FLVCR1: variants seen among roughly 807,000 people sequenced by gnomAD.
FLVCR1 encodes the protein FLVCR choline and heme transporter 1.
Under a neutral mutation model 53.6 loss-of-function variants are expected in FLVCR1, and 34 were observed. The ratio of observed to expected loss-of-function variants is 0.63; its 90% CI spans 0.48 to 0.84. The LOEUF (loss-of-function observed/expected upper bound fraction) is 0.84, where lower values mean the gene tolerates loss of function less well. Among genes scored for constraint, FLVCR1 ranks in the 40% least tolerant of loss-of-function variants. FLVCR1 has a pLI of 0.00. For missense variants in FLVCR1, 677 were observed against 696.7 expected, an observed-to-expected ratio of 0.97 and a Z score of 0.32; for synonymous variants, 300 against 286.3, an observed-to-expected ratio of 1.05 and a Z score of -0.48.
At position 212,878,980 on chromosome 1, in the gene FLVCR1, T is replaced by G. The variant is rs1262190524; in HGVS notation, c.1025-4391T>G. On this transcript the variant is annotated intron_variant, in intron 3 of 9. Transcript: ENST00000366971. ...CTGCAGTCTGGGTGACAAAGTGAGA[T>G]CCTGTCTCAAAAAAAAAAAGACCTA... Among the ~76,000 whole-genome samples, 4 of 129,946 alleles carry G rather than the reference T, an allele frequency of 3.1e-5. No individual in the cohort carries two copies. The South Asian group carries it at 1.1e-3, about 35-fold the overall frequency. 85.2% of individuals were successfully genotyped at this position (129,946 alleles called of 152,430 possible). A position where few individuals can be genotyped will look rare whatever the true frequency, so the allele number is the denominator to read the frequency against.
intron 2 of FLVCR1, among the ~76,000 whole-genome samples, chr1:212,867,990 A>T (rs1664489693): frequency 6.6e-6 from 1 of 151,962 alleles, no homozygotes. Flanking sequence ...TTTTTAGTAG[A>T]GATGGGGTTT....
At chr1:212,863,895 T>C (rs762034203) in intron 2 of FLVCR1, 26 bp downstream of exon 2, 14 of 1,591,226 alleles carry the variant, frequency 8.8e-6, no homozygotes, top group Non-Finnish European at 1.1e-5. Context: ...TCCCTAAAGC[T>C]TAAATGAATG....
chr1:212,895,173 TGC>T (rs776044078), intron 9 of FLVCR1, 41 bp from the exon 10 acceptor site: 96 of 1,481,176 alleles, frequency 6.5e-5, no homozygotes, highest in Non-Finnish European at 8.8e-5. Context: ...TAATAGGATA[TGC>T]CAGATGCTAT....
chr1:212,867,866 C>T (rs566711810), intron 2 of FLVCR1, among the ~76,000 whole-genome samples: 5 of 149,874 alleles, frequency 3.3e-5, no homozygotes, highest in African/African-American at 4.9e-5. Flanking sequence ...TACAGTGGCG[C>T]GATCTTGGCT....
At chr1:212,895,131 A>G in intron 9 of FLVCR1, 78 bp downstream of exon 9, 1 of 1,372,258 alleles carries the variant, frequency 7.3e-7, no homozygotes, top group East Asian at 2.3e-5. Context: ...TTATTTAGCT[A>G]TTTTTCTCCC....
At chr1:212,885,097 T>C (rs41300039) in intron 4 of FLVCR1, among the ~76,000 whole-genome samples, 196 bp from the exon 5 acceptor site, 185 of 152,346 alleles carry the variant, frequency 1.2e-3, no homozygotes, top group Middle Eastern at 3.4e-3. Context: ...GCTTTTTTTC[T>C]GGTTTTAAAA....
chr1:212,895,651 G>T lies in FLVCR1; in HGVS notation c.*361G>T. The T allele has an allele frequency of 3.1e-6, 1 of 324,050 alleles. No individual in the cohort carries two copies. The highest frequency in any genetic ancestry group is 5.9e-6 in the Non-Finnish European group (1 of 169,152). The allele number at this position is 324,050 out of a possible 1,614,324, so 20.1% of individuals were successfully genotyped here. On this transcript the variant is annotated 3_prime_UTR_variant, in exon 10 of 10. Coordinates refer to ENST00000366971, the MANE Select transcript of FLVCR1 (RefSeq NM_014053.4). ...GAATACTTTTTAAAGTGATAATATG[G>T]GGTGTTCAGTCCCCATAAGATATAA... is the stretch of plus-strand genomic sequence containing the variant.
rs1664642292 is a variant in FLVCR1 at position 212,872,834 on chromosome 1, G to A, written c.1024+16G>A. On this transcript the variant is annotated intron_variant, in intron 3 of 9. Coordinates refer to ENST00000366971, the MANE Select transcript of FLVCR1 (RefSeq NM_014053.4). ...ATCACTTATGGTAAGTGGTTTTCTT[G>A]TACTTTCTTTAATGTCTGTGTGAGC... 9.3e-6 allele frequency: 15 copies of A among 1,612,924 alleles called. No individual in the cohort carries two copies. Among genetic ancestry groups the A allele is most frequent in the Non-Finnish European group, 1.3e-5 (15 of 1,179,474 alleles).
At chr1:212,872,856 G>T (rs1664643139) in intron 3 of FLVCR1, 38 bp downstream of exon 3, 3 of 1,610,782 alleles carry the variant, frequency 1.9e-6, no homozygotes, top group Non-Finnish European at 2.5e-6. Flanking sequence ...ATGTCTGTGT[G>T]AGCCTTTCAG....
chr1:212,858,460 G>C lies in FLVCR1; in HGVS notation c.8G>C (p.Arg3Pro). 1.4e-6 allele frequency: 2 copies of C among 1,438,350 alleles called. No individual in the cohort carries two copies. The highest frequency in any genetic ancestry group is 1.8e-6 in the Non-Finnish European group (2 of 1,101,372). 89.1% of individuals were successfully genotyped at this position (1,438,350 alleles called of 1,614,324 possible). A position where few individuals can be genotyped will look rare whatever the true frequency, so the allele number is the denominator to read the frequency against. MA[R>P]PDDEEGAAVA... ...CGCCGGGGAGCCTGGGATATGGCGC[G>C]GCCAGACGATGAGGAGGGGGCGGCG... Residue 3 changes from arginine (R) to proline (P), a missense_variant, in exon 1 of 10, where the codon CGG (arginine) becomes CCG (proline). Transcript: ENST00000366971.
chr1:212,888,041 G>A (rs371358493), intron 6 of FLVCR1, 40 bp downstream of exon 6: 20 of 1,144,662 alleles, frequency 1.7e-5, no homozygotes, highest in African/African-American at 4.5e-5. Flanking sequence ...ATAGCATGCT[G>A]TTATAATTCT....
chr1:212,872,759 A>G lies in FLVCR1; in HGVS notation c.965A>G (p.Lys322Arg). The G allele has an allele frequency of 2.5e-6, 4 of 1,613,888 alleles. No homozygotes were observed. The highest frequency in any genetic ancestry group is 3.4e-6 in the Non-Finnish European group (4 of 1,179,792). ...AGTCCCCCTGAAGAGTACTCCTATA[A>G]GAAATCAATAAGAAACCTGTTTAAA... ...QDSPPEEYSY[K>R]KSIRNLFKNI... Residue 322 changes from lysine to arginine, a missense_variant, in exon 3 of 10, where the codon AAG becomes AGG. Transcript: ENST00000366971.
chr1:212,881,652 C>T (rs1360915883), intron 3 of FLVCR1, among the ~76,000 whole-genome samples: 2 of 151,998 alleles, frequency 1.3e-5, no homozygotes, highest in African/African-American at 2.4e-5. Flanking sequence ...TGAGCCACTG[C>T]GCCCAGCCAA....
chr1:212,875,052 C>A (rs961969233), intron 3 of FLVCR1, among the ~76,000 whole-genome samples: 1 of 152,184 alleles, frequency 6.6e-6, no homozygotes, highest in African/African-American at 2.4e-5. Flanking sequence ...CCTATAAGAG[C>A]TGGCTTAATG....
intron 1 of FLVCR1, among the ~76,000 whole-genome samples, chr1:212,862,957 T>C (rs1438573520): frequency 6.6e-6 from 1 of 152,240 alleles, no homozygotes; most frequent in African/African-American, 2.4e-5. Context: ...TATATCTTCT[T>C]TGGAGAAATG....
intron 2 of FLVCR1, among the ~76,000 whole-genome samples, chr1:212,867,406 G>A (rs931989307): frequency 6.6e-6 from 1 of 152,108 alleles, no homozygotes; most frequent in Non-Finnish European, 1.5e-5. Context: ...CTGTGAGGAG[G>A]GTACCAATAT....
At chr1:212,868,194 C>G (rs10864019) in intron 2 of FLVCR1, among the ~76,000 whole-genome samples, 104,665 of 151,778 alleles carry the variant, frequency 0.69, 37,608 homozygotes, top group East Asian at 1. Context: ...TCCTGGCCAG[C>G]CTTAAGCAAT....
At chr1:212,877,788 G>A (rs751463053) in intron 3 of FLVCR1, among the ~76,000 whole-genome samples, 1 of 149,222 alleles carries the variant, frequency 6.7e-6, no homozygotes, top group Non-Finnish European at 1.5e-5. Flanking sequence ...AGACCCTATA[G>A]CAAATATTAT....
At position 212,896,859 on chromosome 1, in the gene FLVCR1, A is replaced by T. The variant is rs1313524151; in HGVS notation, c.*1569A>T. The T allele has an allele frequency of 4.9e-3, 440 of 89,552 alleles. 2 individuals are homozygous for T. Among genetic ancestry groups the T allele is most frequent in the African/African-American group, 0.01 (165 of 16,020 alleles). 5.5% of individuals were successfully genotyped at this position (89,552 alleles called of 1,614,324 possible). On this transcript the variant is annotated 3_prime_UTR_variant, in exon 10 of 10. Coordinates refer to ENST00000366971, the MANE Select transcript of FLVCR1 (RefSeq NM_014053.4). ...ATGGTAAAACCCCATCTCTACTAAA[A>T]AAAAAAAAAAAAAAAAAAAAAAAAA... is the stretch of plus-strand genomic sequence containing the variant.
Sources: allele counts gnomAD v4.1 joint callset (sites outside exome capture counted in the v4.1 genomes callset), GRCh38; gene constraint gnomAD v4.1.1; transcripts MANE v1.5; gene names NCBI Gene and HGNC (gene_info 2026-07-23, HGNC 2026-07-21).